Variants in AFF3 observed in about 807,000 individuals in gnomAD.
AFF3 encodes AF4/FMR2 family member 3.
Under a neutral mutation model 129.7 loss-of-function variants are expected in AFF3, and 32 were observed. That is an observed-to-expected ratio of 0.25 (90% CI 0.19 to 0.33). AFF3 has a LOEUF of 0.33. AFF3 is among the 10% of genes least tolerant of loss of function. The probability of loss-of-function intolerance (pLI) is 1.00; values close to 1 mark genes in which losing one functional copy is unlikely to be tolerated. For synonymous variants in AFF3, 644 were observed against 635.4 expected (o/e 1.01, Z -0.20); for missense variants, 1,373 against 1,592.0 (o/e 0.86, Z 2.34).
rs1280951155 is a variant in AFF3 at position 100,078,368 on chromosome 2, CTTG to C, written c.53+26031_53+26033del. 2.6e-5 allele frequency among the ~76,000 whole-genome samples: 4 copies of C among 152,236 alleles called. No homozygotes were observed. The East Asian group carries it at 7.7e-4, about 29-fold the overall frequency. The stretch of plus-strand genomic sequence containing the variant: ...CCCTAAACTCACAGCTTTTACAGGG[CTTG>C]TTTTTATTTATTTATTTTTTTGAAC... On this transcript the variant is annotated intron_variant, in intron 4 of 24. Coordinates refer to ENST00000672756, the MANE Select transcript of AFF3 (RefSeq NM_001386135.1).
intron 4 of AFF3, among the ~76,000 whole-genome samples, chr2:100,010,539 C>A (rs957252297): frequency 6.6e-6 from 1 of 152,166 alleles, no homozygotes; most frequent in Non-Finnish European, 1.5e-5. Context: ...TTTAATTCAT[C>A]CTTAGTATAT....
At chr2:99,796,663 A>G (rs1685575094) in intron 8 of AFF3, among the ~76,000 whole-genome samples, 1 of 152,220 alleles carries the variant, frequency 6.6e-6, no homozygotes, top group African/African-American at 2.4e-5. Flanking sequence ...ATTGCTGTAC[A>G]GAGAGAATCT....
chr2:99,850,586 C>G (rs1240018822), intron 7 of AFF3, among the ~76,000 whole-genome samples: 1 of 152,222 alleles, frequency 6.6e-6, no homozygotes, highest in Non-Finnish European at 1.5e-5. Flanking sequence ...TGATTGATTT[C>G]ATGTTCAATC....
At chr2:99,936,722 C>T (rs1317632975) in intron 7 of AFF3, among the ~76,000 whole-genome samples, 1 of 152,166 alleles carries the variant, frequency 6.6e-6, no homozygotes, top group East Asian at 1.9e-4. Flanking sequence ...ACTGGACTTC[C>T]GAAGTGCAAA....
intron 7 of AFF3, among the ~76,000 whole-genome samples, chr2:99,955,022 A>T (rs1489029990): frequency 2.0e-5 from 3 of 152,102 alleles, no homozygotes; most frequent in South Asian, 4.1e-4. Context: ...TGGAAAAAAA[A>T]GTATAGAGAG....
intron 4 of AFF3, among the ~76,000 whole-genome samples, chr2:100,039,482 C>G (rs1685247309): frequency 6.6e-6 from 1 of 152,004 alleles, no homozygotes; most frequent in East Asian, 1.9e-4. Context: ...CACTTGAGCC[C>G]AGGAGTCAAG....
Position 99,832,737 on chromosome 2 carries a change from T to C in AFF3, c.921+4740A>G, listed in dbSNP as rs6728555. Among the ~76,000 whole-genome samples the C allele has an allele frequency of 9.0e-3, 1,371 of 152,320 alleles. 25 individuals carry two copies. Among genetic ancestry groups the C allele is most frequent in the African/African-American group, 0.032 (1,327 of 41,560 alleles). The stretch of plus-strand genomic sequence containing the variant: ...ACTAACTTATCTTGGCTAGACTTAT[T>C]GTAGGTTTTTCTCAGTGAATTTCTC... On this transcript the variant is annotated intron_variant, in intron 8 of 24. Coordinates refer to ENST00000672756, the MANE Select transcript of AFF3 (RefSeq NM_001386135.1).
chr2:99,555,860 A>T (rs934480484), intron 22 of AFF3, among the ~76,000 whole-genome samples: 15 of 152,184 alleles, frequency 9.9e-5, no homozygotes, highest in African/African-American at 3.6e-4. Flanking sequence ...GCAAGATGTA[A>T]ATGTAAGGAC....
Position 99,554,692 on chromosome 2 carries a change from G to GC in AFF3, c.3325dup (p.Ala1109GlyfsTer144), listed in dbSNP as rs1674757701. The GC allele has an allele frequency of 1.2e-6, 2 of 1,614,006 alleles. No individual in the cohort carries two copies. Among genetic ancestry groups the GC allele is most frequent in the Admixed American group, 1.7e-5 (1 of 59,998 alleles). ...GGAAAAGCGAACTTACTTTCCACTG[G>GC]CCCCCCACGGAGATGGGGCTTGGGC... On this transcript the variant is annotated frameshift_variant, in exon 23 of 25. Transcript: ENST00000672756. LOFTEE classifies it high-confidence loss of function.
At chr2:99,766,844 A>G (rs1013178913) in intron 8 of AFF3, among the ~76,000 whole-genome samples, 1 of 152,234 alleles carries the variant, frequency 6.6e-6, no homozygotes, top group Non-Finnish European at 1.5e-5. Flanking sequence ...AGAAGGTGAG[A>G]GCCTGAACTC....
intron 11 of AFF3, among the ~76,000 whole-genome samples, chr2:99,675,955 T>C (rs1240922833): frequency 1.3e-5 from 2 of 149,084 alleles, no homozygotes; most frequent in Middle Eastern, 3.5e-3. Context: ...CTGATTAGGC[T>C]ACTGGGGAGG....
At chr2:100,142,246 T>C (rs190706906) in intron 1 of AFF3, among the ~76,000 whole-genome samples, 2 of 152,002 alleles carry the variant, frequency 1.3e-5, no homozygotes, top group Non-Finnish European at 2.9e-5. Context: ...GCACACACAC[T>C]GACGGCTTCA....
At chr2:99,898,215 G>A (rs1330324260) in intron 7 of AFF3, among the ~76,000 whole-genome samples, 1 of 152,212 alleles carries the variant, frequency 6.6e-6, no homozygotes, top group Non-Finnish European at 1.5e-5. Flanking sequence ...CTTAAAGAAT[G>A]GACATTTTTT....
At chr2:99,602,838 T>C (rs1294833352) in intron 13 of AFF3, among the ~76,000 whole-genome samples, 1 of 152,168 alleles carries the variant, frequency 6.6e-6, no homozygotes, top group Non-Finnish European at 1.5e-5. Flanking sequence ...AAAGAGGACT[T>C]TCATAAATCC....
At chr2:100,076,098 T>C (rs1023230341) in intron 4 of AFF3, among the ~76,000 whole-genome samples, 4 of 152,212 alleles carry the variant, frequency 2.6e-5, no homozygotes, top group African/African-American at 9.6e-5. Flanking sequence ...GAGTTTCCTC[T>C]GATGACATGA....
chr2:99,904,317 C>T (rs1694557290), intron 7 of AFF3, among the ~76,000 whole-genome samples: 1 of 152,138 alleles, frequency 6.6e-6, no homozygotes, highest in African/African-American at 2.4e-5. Flanking sequence ...ATAAAATGCA[C>T]ATCCTCCCAT....
intron 4 of AFF3, among the ~76,000 whole-genome samples, chr2:100,056,450 T>A (rs1686794940): frequency 6.6e-6 from 1 of 152,168 alleles, no homozygotes; most frequent in Non-Finnish European, 1.5e-5. Flanking sequence ...GACATGTTTG[T>A]CAAAATCATT....
At chr2:100,061,819 C>G (rs1424179135) in intron 4 of AFF3, among the ~76,000 whole-genome samples, 2 of 150,876 alleles carry the variant, frequency 1.3e-5, no homozygotes, top group East Asian at 1.9e-4. Flanking sequence ...GTGCTGTGAT[C>G]CCCTCCACCA....
At chr2:99,988,766 G>A (rs1680091433) in intron 7 of AFF3, among the ~76,000 whole-genome samples, 1 of 147,122 alleles carries the variant, frequency 6.8e-6, no homozygotes. Flanking sequence ...ACACATGGGG[G>A]ACACTGAACA....
Sources: allele counts gnomAD v4.1 joint callset (sites outside exome capture counted in the v4.1 genomes callset), GRCh38; gene constraint gnomAD v4.1.1; transcripts MANE v1.5; gene names NCBI Gene and HGNC (gene_info 2026-07-23, HGNC 2026-07-21).